Variants in CAMK2A observed in about 807,000 individuals in gnomAD.
The protein encoded by CAMK2A is calcium/calmodulin-dependent protein kinase type II subunit alpha.
CAMK2A carries 7 observed loss-of-function variants against 79.2 expected under a neutral mutation model. That is an observed-to-expected ratio of 0.09 (90% CI 0.05 to 0.17). CAMK2A has a LOEUF of 0.17. Ranked by LOEUF, CAMK2A falls within the 10% of genes least tolerant of loss-of-function variation. The pLI is 1.00. For missense variants in CAMK2A, 214 were observed against 646.4 expected (o/e 0.33, Z 7.25); for synonymous variants, 242 against 251.7 (o/e 0.96, Z 0.36).
chr5:150,288,317 A>AC (rs1757517530), intron 1 of CAMK2A, among the ~76,000 whole-genome samples: 1 of 152,094 alleles, frequency 6.6e-6, no homozygotes, highest in Non-Finnish European at 1.5e-5. Context: ...AGTCATGTTT[A>AC]CACCCTTGTT....
chr5:150,283,545 C>G (rs1372141271), intron 1 of CAMK2A, among the ~76,000 whole-genome samples: 1 of 152,138 alleles, frequency 6.6e-6, no homozygotes, highest in Non-Finnish European at 1.5e-5. Flanking sequence ...CAGCTAACCT[C>G]TGGGTAACTC....
chr5:150,244,289 C>T (rs890863505), intron 13 of CAMK2A, among the ~76,000 whole-genome samples: 4 of 152,304 alleles, frequency 2.6e-5, no homozygotes, highest in Non-Finnish European at 1.5e-5. Context: ...CCAAAACCAG[C>T]GGCCAGAGAC....
At chr5:150,267,874 C>CTT (rs796333078) in intron 2 of CAMK2A, among the ~76,000 whole-genome samples, 17 of 133,362 alleles carry the variant, frequency 1.3e-4, no homozygotes, top group South Asian at 2.4e-4. Context: ...AGCCAAGGAG[C>CTT]TTTTTTTTTT....
In CAMK2A at chr5:150,275,624, C is replaced by T. The variant is rs114374257; in HGVS notation, c.63-2465G>A. 6.1e-3 allele frequency among the ~76,000 whole-genome samples: 935 copies of T among 152,250 alleles called. 10 individuals are homozygous for T. Among genetic ancestry groups the T allele is most frequent in the African/African-American group, 0.021 (887 of 41,538 alleles). On this transcript the variant is annotated intron_variant, in intron 1 of 18. Transcript: ENST00000671881. ...CCTTTTATCATTTTCTATGATGGCTCACAAAACTAGGAAAACGCTTACTTA... is the reference window on the plus strand; with the variant it reads ...CCTTTTATCATTTTCTATGATGGCTTACAAAACTAGGAAAACGCTTACTTA...
Position 150,289,611 on chromosome 5 carries a change from G to A in CAMK2A, c.15C>T (p.Thr5=), listed in dbSNP as rs753901371. The A allele has an allele frequency of 6.2e-7, 1 of 1,613,992 alleles. No homozygotes were observed. The highest frequency in any genetic ancestry group is 1.1e-5 in the South Asian group (1 of 91,052). Residue 5 remains threonine, a synonymous_variant, in exon 1 of 19, where the codon ACC becomes ACT. Transcript: ENST00000671881. ...GGTACTCTTCCGTGAAGCGGGTGCA[G>A]GTGATGGTGGCCATCCTGGCGCTGG... The part of the protein sequence containing the change: MATI[T]CTRFTEEYQL...
At chr5:150,241,862 C>T (rs972555293) in intron 13 of CAMK2A, among the ~76,000 whole-genome samples, 2 of 152,114 alleles carry the variant, frequency 1.3e-5, no homozygotes, top group African/African-American at 4.8e-5. Context: ...GTTGTCCTCC[C>T]TCCCTGGCTG....
chr5:150,228,490 T>A (rs1754703145), intron 16 of CAMK2A, among the ~76,000 whole-genome samples: 1 of 152,114 alleles, frequency 6.6e-6, no homozygotes, highest in Non-Finnish European at 1.5e-5. Flanking sequence ...GAAGCCTGGG[T>A]TCAGGCCCTG....
At chr5:150,231,873 T>A (rs976088821) in intron 15 of CAMK2A, among the ~76,000 whole-genome samples, 4 of 152,004 alleles carry the variant, frequency 2.6e-5, no homozygotes, top group African/African-American at 9.7e-5. Flanking sequence ...CTAAGAAAAA[T>A]CTTAGGGTAT....
chr5:150,277,447 A>G (rs564303213), intron 1 of CAMK2A, among the ~76,000 whole-genome samples: 1 of 152,240 alleles, frequency 6.6e-6, no homozygotes, highest in Non-Finnish European at 1.5e-5. Context: ...GGGAGGCCTG[A>G]CAGGCCCCAT....
intron 13 of CAMK2A, among the ~76,000 whole-genome samples, chr5:150,242,308 T>A (rs1366961704): frequency 2.6e-5 from 4 of 152,288 alleles, no homozygotes; most frequent in Admixed American, 1.3e-4. Flanking sequence ...AGAAACCGCA[T>A]CTCTTAGAAT....
chr5:150,276,892 A>G (rs189893684), intron 1 of CAMK2A, among the ~76,000 whole-genome samples: 1 of 152,264 alleles, frequency 6.6e-6, no homozygotes, highest in Non-Finnish European at 1.5e-5. Context: ...TAGATCAGTG[A>G]TTATCAAATT....
chr5:150,246,939 C>G (rs774482340), intron 12 of CAMK2A, among the ~76,000 whole-genome samples: 5 of 152,252 alleles, frequency 3.3e-5, no homozygotes, highest in Non-Finnish European at 5.9e-5. Flanking sequence ...GAGCTTTGCT[C>G]TATCTGCTAT....
At chr5:150,236,904 G>C (rs955488545) in intron 15 of CAMK2A, among the ~76,000 whole-genome samples, 1 of 152,060 alleles carries the variant, frequency 6.6e-6, no homozygotes, top group Admixed American at 6.6e-5. Flanking sequence ...TAAGAGACAG[G>C]GTCTTGCTAT....
At chr5:150,241,814 C>T (rs1226541815) in intron 13 of CAMK2A, among the ~76,000 whole-genome samples, 1 of 151,280 alleles carries the variant, frequency 6.6e-6, no homozygotes, top group African/African-American at 2.4e-5. Flanking sequence ...TCTCTTCCTT[C>T]TTCCCCTCTT....
At chr5:150,226,479 G>A (rs1207535012) in intron 17 of CAMK2A, among the ~76,000 whole-genome samples, 1 of 152,104 alleles carries the variant, frequency 6.6e-6, no homozygotes. Flanking sequence ...GCTAACACCT[G>A]TAATCCCAGC....
At chr5:150,225,808 G>A (rs1754575539) in intron 17 of CAMK2A, among the ~76,000 whole-genome samples, 1 of 152,188 alleles carries the variant, frequency 6.6e-6, no homozygotes, top group African/African-American at 2.4e-5. Flanking sequence ...GCAGTGGCAT[G>A]ATCTCAGCTT....
In CAMK2A at chr5:150,289,696, G is replaced by A. The variant is rs112264872; in HGVS notation, c.-71C>T. The A allele has an allele frequency of 1.2e-4, 156 of 1,266,752 alleles. No homozygotes were observed. The highest frequency in any genetic ancestry group is 1.4e-4 in the Non-Finnish European group (125 of 878,562). The allele number at this position is 1,266,752 out of a possible 1,614,324, so 78.5% of individuals were successfully genotyped here. ...ACTGAGGCGCTGCTGCTCTGCTCCCGAACCTAGGGACCACTTGCCTGCCCG... is the reference window on the plus strand; with the variant it reads ...ACTGAGGCGCTGCTGCTCTGCTCCCAAACCTAGGGACCACTTGCCTGCCCG... On this transcript the variant is annotated 5_prime_UTR_variant, in exon 1 of 19. Transcript: ENST00000671881.
At chr5:150,228,123 G>A in intron 17 of CAMK2A, 69 bp downstream of exon 17, 3 of 1,367,294 alleles carry the variant, frequency 2.2e-6, no homozygotes, top group Admixed American at 3.8e-5. Context: ...CCGTCACCCT[G>A]CTGTGCCATC....
rs189093013 is a variant in CAMK2A, at chr5:150,279,315, C to A, written c.63-6156G>T. ...GAGCGCGGTTCAACATAGAGAAGAGCAGGCACTCCTGAATCAGACCGAGCA... is the reference window on the plus strand; with the variant it reads ...GAGCGCGGTTCAACATAGAGAAGAGAAGGCACTCCTGAATCAGACCGAGCA... On this transcript the variant is annotated intron_variant, in intron 1 of 18. Transcript: ENST00000671881. Among the ~76,000 whole-genome samples the A allele has an allele frequency of 5.1e-4, 77 of 152,298 alleles. 2 individuals are homozygous for A. Among genetic ancestry groups the A allele is most frequent in the African/African-American group, 1.6e-3 (68 of 41,546 alleles).
Sources: gnomAD v4.1 joint callset for allele counts (sites outside exome capture counted in the v4.1 genomes callset) on GRCh38, gnomAD v4.1.1 for gene constraint, MANE v1.5 for transcripts, NCBI Gene and HGNC (gene_info 2026-07-23, HGNC 2026-07-21) for gene names.